The following MYRIP variants were observed in gnomAD, a reference collection of about 807,000 sequenced individuals.
MYRIP encodes the protein myosin VIIA and Rab interacting protein.
MYRIP carries 49 observed loss-of-function variants against 98.0 expected under a neutral mutation model. That is an observed-to-expected ratio of 0.50 (90% CI 0.40 to 0.63). The LOEUF (loss-of-function observed/expected upper bound fraction) is 0.63, where lower values mean the gene tolerates loss of function less well. Among genes scored for constraint, MYRIP ranks in the 30% least tolerant of loss-of-function variants. The pLI is 0.00. For synonymous variants in MYRIP, 404 were observed against 409.5 expected (o/e 0.99, Z 0.16); for missense variants, 1,004 against 1,058.2 (o/e 0.95, Z 0.71).
At chr3:40,218,055 A>T (rs575051191) in intron 11 of MYRIP, among the ~76,000 whole-genome samples, 50 of 152,280 alleles carry the variant, frequency 3.3e-4, no homozygotes, top group African/African-American at 1.1e-3. Context: ...TATAAAGAAA[A>T]AATTATATTT....
intron 1 of MYRIP, among the ~76,000 whole-genome samples, chr3:39,834,141 C>T (rs1344205181): frequency 6.6e-6 from 1 of 152,220 alleles, no homozygotes; most frequent in Non-Finnish European, 1.5e-5. Context: ...CTTTGGTAGT[C>T]CCTCTCAAAT....
chr3:39,887,431 A>G (rs1943339131), intron 1 of MYRIP, among the ~76,000 whole-genome samples: 1 of 152,202 alleles, frequency 6.6e-6, no homozygotes, highest in Non-Finnish European at 1.5e-5. Flanking sequence ...AACAAAATTG[A>G]TAAACTGCTA....
At chr3:40,040,460 C>A (rs1435804566) in intron 2 of MYRIP, among the ~76,000 whole-genome samples, 38 of 93,628 alleles carry the variant, frequency 4.1e-4, no homozygotes, top group African/African-American at 1.6e-3. Flanking sequence ...ACCATTTGAC[C>A]CAGCCATCCC....
chr3:40,133,098 T>C (rs1366283946), intron 3 of MYRIP, among the ~76,000 whole-genome samples: 1 of 152,228 alleles, frequency 6.6e-6, no homozygotes, highest in African/African-American at 2.4e-5. Flanking sequence ...GGCCACACTG[T>C]GTGGTGCCTA....
At chr3:39,904,475 A>G (rs1417499512) in intron 2 of MYRIP, among the ~76,000 whole-genome samples, 1 of 152,094 alleles carries the variant, frequency 6.6e-6, no homozygotes, top group African/African-American at 2.4e-5. Flanking sequence ...AGCTCAGGCA[A>G]TCTGCCCACC....
intron 3 of MYRIP, among the ~76,000 whole-genome samples, chr3:40,088,854 A>G (rs1275645928): frequency 6.6e-6 from 1 of 152,220 alleles, no homozygotes; most frequent in Admixed American, 6.5e-5. Context: ...TTTTAAGACA[A>G]TGGCTCTGGC....
chr3:40,063,702 CTCCTTGAAATTTCTTTTATAAGGAA>C (rs1948069080), intron 3 of MYRIP, among the ~76,000 whole-genome samples: 1 of 152,156 alleles, frequency 6.6e-6, no homozygotes, highest in Non-Finnish European at 1.5e-5. Flanking sequence ...GAATTTTGAT[CTCCTTGAAATTTCTTTTATAAGGAA>C]AAACAACTGG....
intron 2 of MYRIP, among the ~76,000 whole-genome samples, chr3:39,977,793 C>A (rs1015419492): frequency 6.6e-6 from 1 of 152,152 alleles, no homozygotes; most frequent in Admixed American, 6.5e-5. Flanking sequence ...TCAGACCCAA[C>A]CTTCCAGGCC....
chr3:39,923,028 T>G (rs2125692653), intron 2 of MYRIP, among the ~76,000 whole-genome samples: 1 of 151,984 alleles, frequency 6.6e-6, no homozygotes, highest in Non-Finnish European at 1.5e-5. Flanking sequence ...ATAAAGGATA[T>G]AAAGAAGAAC....
chr3:39,971,667 T>C (rs1383218818), intron 2 of MYRIP, among the ~76,000 whole-genome samples: 1 of 152,082 alleles, frequency 6.6e-6, no homozygotes, highest in East Asian at 1.9e-4. Flanking sequence ...ACAGGACTCC[T>C]TAGAGATCAC....
At chr3:39,881,709 A>C (rs1393368622) in intron 1 of MYRIP, among the ~76,000 whole-genome samples, 1 of 151,984 alleles carries the variant, frequency 6.6e-6, no homozygotes, top group African/African-American at 2.4e-5. Context: ...CTTTATCTTC[A>C]TTTTTGGAGG....
chr3:40,204,314 C>T (rs1167215405), intron 10 of MYRIP, among the ~76,000 whole-genome samples: 1 of 139,554 alleles, frequency 7.2e-6, no homozygotes, highest in Non-Finnish European at 1.5e-5. Flanking sequence ...ACTTCAACCT[C>T]CATCTCCTGG....
chr3:39,825,853 T>C (rs1941246848), intron 1 of MYRIP, among the ~76,000 whole-genome samples: 1 of 152,160 alleles, frequency 6.6e-6, no homozygotes, highest in Non-Finnish European at 1.5e-5. Context: ...GATTCAATCT[T>C]GTTACTTTTT....
intron 5 of MYRIP, among the ~76,000 whole-genome samples, chr3:40,163,457 T>C (rs1950439245): frequency 6.6e-6 from 1 of 152,236 alleles, no homozygotes; most frequent in African/African-American, 2.4e-5. Context: ...AAGGCATTTC[T>C]GGAAGAGAAC....
intron 16 of MYRIP, among the ~76,000 whole-genome samples, chr3:40,253,517 T>TACTA (rs1953462163): frequency 6.6e-6 from 1 of 152,226 alleles, no homozygotes; most frequent in Non-Finnish European, 1.5e-5. Flanking sequence ...GGCCCTAGCC[T>TACTA]ACTATTCCTG....
chr3:40,233,862 T>C lies in MYRIP; in HGVS notation c.1909T>C (p.Phe637Leu), dbSNP rs1952738224. 1 of 1,611,868 alleles carries C rather than the reference T, an allele frequency of 6.2e-7. No homozygotes were observed. The highest frequency in any genetic ancestry group is 1.1e-5 in the South Asian group (1 of 90,402). The change falls in exon 12 of 17, where the codon TTT becomes CTT. Residue 637 changes from phenylalanine to leucine, a missense_variant. Coordinates refer to ENST00000302541, the MANE Select transcript of MYRIP (RefSeq NM_015460.4). Reference sequence around the variant, plus strand: ...CTTCTGTTATCGGACCAAACAGAAGTTTTCTGCTGTTTCTCTCTGCAACAT... The same window carrying C: ...CTTCTGTTATCGGACCAAACAGAAGCTTTCTGCTGTTTCTCTCTGCAACAT... ...QSVQEELKKK[F>L]SAVSLCNIST...
intron 1 of MYRIP, among the ~76,000 whole-genome samples, chr3:39,880,163 C>T (rs1415782326): frequency 2.6e-5 from 4 of 152,212 alleles, no homozygotes; most frequent in East Asian, 1.9e-4. Context: ...CCCATTAACT[C>T]GTCATTTATC....
chr3:39,924,862 C>T (rs977475270), intron 2 of MYRIP, among the ~76,000 whole-genome samples: 4 of 151,738 alleles, frequency 2.6e-5, no homozygotes, highest in East Asian at 1.9e-4. Flanking sequence ...CTAAATAATC[C>T]ATAGGTCAAG....
At chr3:40,152,708 C>T (rs540834322) in intron 4 of MYRIP, among the ~76,000 whole-genome samples, 15 of 152,190 alleles carry the variant, frequency 9.9e-5, no homozygotes, top group African/African-American at 3.6e-4. Context: ...TACACAGCTG[C>T]CTCTCCTGCC....
Sources: gnomAD v4.1 joint callset for allele counts (sites outside exome capture counted in the v4.1 genomes callset) on GRCh38, gnomAD v4.1.1 for gene constraint, MANE v1.5 for transcripts, NCBI Gene and HGNC (gene_info 2026-07-23, HGNC 2026-07-21) for gene names.